Variants in EML6 observed in about 807,000 individuals in gnomAD.
EML6 encodes the protein echinoderm microtubule-associated protein-like 6.
In EML6, 154 loss-of-function variants were observed where a neutral mutation model predicts 240.1. The observed-to-expected ratio is 0.64, with a 90% CI of 0.56 to 0.73. The LOEUF is 0.73. Ranked by LOEUF, EML6 falls within the 30% of genes least tolerant of loss-of-function variation. The probability of loss-of-function intolerance (pLI) is 0.00; values close to 1 mark genes in which losing one functional copy is unlikely to be tolerated. For synonymous variants in EML6, 1,148 were observed against 899.0 expected (o/e 1.28, Z -4.95); for missense variants, 2,964 against 2,474.6 (o/e 1.20, Z -4.20).
intron 38 of EML6, among the ~76,000 whole-genome samples, chr2:54,966,418 A>G (rs1200575181): frequency 6.6e-6 from 1 of 152,242 alleles, no homozygotes; most frequent in Admixed American, 6.5e-5. Context: ...CAGGAAGGGC[A>G]GCAGCCATTC....
chr2:54,937,852 C>G (rs1480804721), intron 28 of EML6, among the ~76,000 whole-genome samples: 1 of 152,134 alleles, frequency 6.6e-6, no homozygotes, highest in African/African-American at 2.4e-5. Context: ...GTATTTAAAT[C>G]ATTATGGAAT....
intron 26 of EML6, among the ~76,000 whole-genome samples, chr2:54,926,458 T>C (rs1353853793): frequency 6.6e-6 from 1 of 152,098 alleles, no homozygotes; most frequent in Non-Finnish European, 1.5e-5. Context: ...ATGGATAGAG[T>C]TGTGGTGAAG....
At chr2:54,792,041 C>T (rs139508464) in intron 2 of EML6, among the ~76,000 whole-genome samples, 1 of 152,276 alleles carries the variant, frequency 6.6e-6, no homozygotes, top group East Asian at 1.9e-4. Flanking sequence ...CAGAATGCGC[C>T]TGGACCTCCC....
chr2:54,801,775 T>G (rs141621082), intron 2 of EML6, among the ~76,000 whole-genome samples: 224 of 152,342 alleles, frequency 1.5e-3, no homozygotes, highest in African/African-American at 5.2e-3. Context: ...TGGTTATTAT[T>G]TTGTAGCTAA....
chr2:54,743,467 T>C (rs940899145), intron 2 of EML6, among the ~76,000 whole-genome samples: 1 of 152,266 alleles, frequency 6.6e-6, no homozygotes, highest in African/African-American at 2.4e-5. Context: ...TTTATATATA[T>C]GCATTTTTCC....
At chr2:54,851,889 A>G (rs1270628995) in intron 10 of EML6, among the ~76,000 whole-genome samples, 1 of 152,218 alleles carries the variant, frequency 6.6e-6, no homozygotes, top group Non-Finnish European at 1.5e-5. Context: ...TTGTTGGGCA[A>G]TAATACTCCC....
rs1387606159 is a variant in EML6, at chr2:54,962,690, G to C, written c.5136G>C (p.Arg1712=). The change falls in exon 36 of 42, where the codon CGG becomes CGC. Residue 1712 remains arginine, a synonymous_variant. Transcript: ENST00000356458. ...CTGCCAGCAACGATGGCACAGCCCG[G>C]ATCTGGGACCTGGCTGACAAGGTGA... ...FISASNDGTA[R]IWDLADKKLL... is the part of the protein sequence containing the mutation. 3 of 1,498,578 alleles carry C rather than the reference G, an allele frequency of 2.0e-6. No homozygotes were observed. The highest frequency in any genetic ancestry group is 2.6e-5 in the East Asian group (1 of 38,542). 92.8% of individuals were successfully genotyped at this position (1,498,578 alleles called of 1,614,324 possible).
chr2:54,725,054 G>C lies in EML6; in HGVS notation c.-8G>C. The C allele has an allele frequency of 2.0e-6, 3 of 1,505,128 alleles. No homozygotes were observed. Among genetic ancestry groups the C allele is most frequent in the East Asian group, 5.8e-5 (2 of 34,538 alleles). 93.2% of individuals were successfully genotyped at this position (1,505,128 alleles called of 1,614,324 possible). A position where few individuals can be genotyped will look rare whatever the true frequency, so the allele number is the denominator to read the frequency against. On this transcript the variant is annotated 5_prime_UTR_variant, in exon 2 of 42. Coordinates refer to ENST00000356458, the MANE Select transcript of EML6 (RefSeq NM_001039753.4). The surrounding 1 kb of genome is among the most constrained non-coding windows in gnomAD (Gnocchi z 4.3). ...GGGGGGGCGGGGGGCGCGCGGGGTC[G>C]GCTTATCATGGCGGATCGGACGGCG...
intron 28 of EML6, among the ~76,000 whole-genome samples, chr2:54,934,353 A>AC (rs1433305944): frequency 3.9e-5 from 6 of 152,010 alleles, no homozygotes; most frequent in Admixed American, 3.9e-4. Flanking sequence ...TCCTCCCTTG[A>AC]CGAGAGACTG....
chr2:54,777,864 A>G (rs896642847), intron 2 of EML6, among the ~76,000 whole-genome samples: 1 of 152,220 alleles, frequency 6.6e-6, no homozygotes, highest in Admixed American at 6.5e-5. Context: ...ATTTATAGCA[A>G]ATTTCTTCTG....
intron 2 of EML6, among the ~76,000 whole-genome samples, chr2:54,752,032 C>T (rs1684198551): frequency 6.6e-6 from 1 of 152,112 alleles, no homozygotes; most frequent in African/African-American, 2.4e-5. Context: ...TTCCTTCTTT[C>T]CCACCTTAAG....
At chr2:54,843,615 C>T (rs181302855) in intron 7 of EML6, among the ~76,000 whole-genome samples, 34 of 152,078 alleles carry the variant, frequency 2.2e-4, no homozygotes, top group Non-Finnish European at 4.0e-4. Flanking sequence ...GAGTCCGAGG[C>T]GGGCGGATCA....
chr2:54,873,505 C>T (rs1671360732), intron 16 of EML6, among the ~76,000 whole-genome samples: 2 of 152,098 alleles, frequency 1.3e-5, no homozygotes, highest in Non-Finnish European at 1.5e-5. Context: ...AATAGGTGTG[C>T]TGTGTGTCAC....
intron 2 of EML6, among the ~76,000 whole-genome samples, chr2:54,727,186 A>ATATCTTTTTCTGGTG (rs1386317505): frequency 0.013 from 1,850 of 141,504 alleles, 60 homozygotes; most frequent in Admixed American, 0.036. Context: ...ATGAAGGGAA[A>ATATCTTTTTCTGGTG]AAGAGACAGT....
chr2:54,909,916 A>T (rs1375809376), intron 24 of EML6, among the ~76,000 whole-genome samples: 2 of 152,014 alleles, frequency 1.3e-5, no homozygotes, highest in African/African-American at 4.8e-5. Flanking sequence ...GCCTATTTAA[A>T]TGCTAAAGAA....
intron 9 of EML6, among the ~76,000 whole-genome samples, 197 bp downstream of exon 9, chr2:54,847,820 G>A (rs554863852): frequency 2.5e-3 from 381 of 152,166 alleles, no homozygotes; most frequent in Middle Eastern, 0.014. Context: ...TGATAATTTG[G>A]CAGCACAGTC....
rs575621987 is a variant in EML6 at position 54,961,184 on chromosome 2, G to GTTTTTTTTTTTTTT, written c.4968+856_4968+869dup. Among the ~76,000 whole-genome samples, 33 of 55,410 alleles carry GTTTTTTTTTTTTTT rather than the reference G, an allele frequency of 6.0e-4. 2 individuals carry two copies. The highest frequency in any genetic ancestry group is 2.3e-3 in the African/African-American group (28 of 12,368). 36.4% of individuals were successfully genotyped at this position (55,410 alleles called of 152,430 possible). ...GGAGCCTGGAAGTTATCAGGAAGTA[G>GTTTTTTTTTTTTTT]TTTTTTTTTTTTTTTTTTTGAGACG... On this transcript the variant is annotated intron_variant, in intron 35 of 41. Coordinates refer to ENST00000356458, the MANE Select transcript of EML6 (RefSeq NM_001039753.4).
At position 54,816,886 on chromosome 2, in the gene EML6, G is replaced by T; in HGVS notation, c.456+1G>T. The T allele has an allele frequency of 6.5e-7, 1 of 1,546,280 alleles. No homozygotes were observed. The highest frequency in any genetic ancestry group is 8.8e-7 in the Non-Finnish European group (1 of 1,142,092). ...GTCAGCCACCGGCCATTCTGACAGG[G>T]TAAGAACTTGTTGGATCAAGCTATG... On this transcript the variant is annotated splice_donor_variant, in intron 4 of 41. Transcript: ENST00000356458. LOFTEE classifies it high-confidence loss of function.
At chr2:54,937,550 C>CT (rs776747975) in intron 28 of EML6, among the ~76,000 whole-genome samples, 2 of 44,552 alleles carry the variant, frequency 4.5e-5, no homozygotes, top group African/African-American at 1.9e-4. Flanking sequence ...AAGACTCTGT[C>CT]TTTAAAAAAA....
Sources: allele counts gnomAD v4.1 joint callset (sites outside exome capture counted in the v4.1 genomes callset), GRCh38; gene constraint gnomAD v4.1.1; non-coding constraint Gnocchi (gnomAD v3.1); transcripts MANE v1.5; gene names NCBI Gene and HGNC (gene_info 2026-07-23, HGNC 2026-07-21).